The following LTBP2 variants were observed in gnomAD, a reference collection of about 807,000 sequenced individuals.
LTBP2 encodes the protein latent transforming growth factor beta binding protein 2.
In LTBP2, 103 loss-of-function variants were observed where a neutral mutation model predicts 210.6. The observed-to-expected ratio is 0.49, with a 90% CI of 0.42 to 0.58. The LOEUF (loss-of-function observed/expected upper bound fraction) is 0.58, where lower values mean the gene tolerates loss of function less well. Ranked by LOEUF, LTBP2 falls within the 20% of genes least tolerant of loss-of-function variation. LTBP2 has a pLI of 0.00. For missense variants in LTBP2, 2,313 were observed against 2,494.5 expected (o/e 0.93, Z 1.55); for synonymous variants, 1,007 against 1,015.0 (o/e 0.99, Z 0.15).
chr14:74,512,617 G>A (rs1256600994), intron 18 of LTBP2, among the ~76,000 whole-genome samples: 1 of 152,226 alleles, frequency 6.6e-6, no homozygotes, highest in Non-Finnish European at 1.5e-5. Context: ...CTGTCCCAGA[G>A]GACTGGGACC....
chr14:74,511,509 G>T, intron 18 of LTBP2, 145 bp from the exon 19 acceptor site: 1 of 1,038,706 alleles, frequency 9.6e-7, no homozygotes, highest in Non-Finnish European at 1.5e-6. Context: ...GCTGCCCTGT[G>T]TTCCCAACTC....
intron 3 of LTBP2, among the ~76,000 whole-genome samples, chr14:74,558,119 G>A (rs557381148): frequency 1.2e-4 from 19 of 152,324 alleles, no homozygotes; most frequent in African/African-American, 4.6e-4. Context: ...ACTAGGACTG[G>A]CCTGGCACAG....
chr14:74,587,737 G>C (rs986763214), intron 2 of LTBP2, among the ~76,000 whole-genome samples: 21 of 152,094 alleles, frequency 1.4e-4, no homozygotes, highest in Non-Finnish European at 2.4e-4. Context: ...CCCAGAGCAG[G>C]TTCCTGGGTT....
chr14:74,553,303 TA>T (rs1669111001), intron 4 of LTBP2, among the ~76,000 whole-genome samples: 1 of 152,214 alleles, frequency 6.6e-6, no homozygotes, highest in Admixed American at 6.5e-5. Flanking sequence ...GGTGGTATGT[TA>T]GGTTGAATCA....
intron 29 of LTBP2, 30 bp downstream of exon 29, chr14:74,504,953 T>C: frequency 7.8e-7 from 1 of 1,274,758 alleles, no homozygotes; most frequent in Non-Finnish European, 1.1e-6. Context: ...GAGCTGACCC[T>C]TCGAGGATCT....
rs763870722 is a variant in LTBP2, at chr14:74,509,770, C to T, written c.3241G>A (p.Gly1081Arg). The T allele has an allele frequency of 2.7e-5, 43 of 1,613,988 alleles. No individual in the cohort carries two copies. The highest frequency in any genetic ancestry group is 3.5e-5 in the Non-Finnish European group (41 of 1,180,030). ...GTGCCGTCTTCATTCACCCAGTACCCGTTCTCACAGGCAGAGCAGGCGAAG... is the reference window on the plus strand; with the variant it reads ...GTGCCGTCTTCATTCACCCAGTACCTGTTCTCACAGGCAGAGCAGGCGAAG... ...GSFACSACEN[G>R]YWVNEDGTAC... The change falls in exon 21 of 36, where the codon GGG becomes AGG. Residue 1081 changes from glycine (G) to arginine (R), a missense_variant. By Grantham distance (125) the Gly-to-Arg change is moderately radical (BLOSUM62 -2). Transcript: ENST00000261978.
At position 74,532,434 on chromosome 14, in the gene LTBP2, C is replaced by A. The variant is rs140341018; in HGVS notation, c.1979G>T (p.Arg660Leu). The A allele has an allele frequency of 3.3e-5, 54 of 1,613,876 alleles. No homozygotes were observed. The highest frequency in any genetic ancestry group is 4.5e-5 in the Non-Finnish European group (53 of 1,179,986). Reference protein sequence around the residue: ...PGLMLDPSRSRCVSDKAISML... With the variant: ...PGLMLDPSRSLCVSDKAISML... Reference sequence around the variant, plus strand: ...TCCCTGCCAGCACTCACACACACAGCGGCTCCGCGATGGATCCAGCATGAG... The same window carrying A: ...TCCCTGCCAGCACTCACACACACAGAGGCTCCGCGATGGATCCAGCATGAG... The change falls in exon 10 of 36, where the codon CGC becomes CTC. Residue 660 changes from arginine (R) to leucine (L), a missense_variant. Physicochemically the swap from Arg to Leu is moderately radical, Grantham distance 102 (BLOSUM62 -2). This residue lies in a region of LTBP2 where 1,867 missense variants were observed against 1,976.9 expected (regional missense o/e 0.94). Transcript: ENST00000261978.
At position 74,596,226 on chromosome 14, in the gene LTBP2, A is replaced by AAAATAAATAAATAAAT. The variant is rs529095086; in HGVS notation, c.565+7393_565+7408dup. ...GGTGACAGAGCCAGATGCTGTTTCAAAAATAAATAAATAAATAAATAAATA... is the reference window on the plus strand; with the variant it reads ...GGTGACAGAGCCAGATGCTGTTTCAAAAATAAATAAATAAATAAATAAATAAATAAATAAATAAATA... On this transcript the variant is annotated intron_variant, in intron 2 of 35. Transcript: ENST00000261978. Among the ~76,000 whole-genome samples the AAAATAAATAAATAAAT allele has an allele frequency of 4.6e-3, 562 of 122,100 alleles. 2 individuals carry two copies. The highest frequency in any genetic ancestry group is 6.1e-3 in the Non-Finnish European group (371 of 61,178). 80.1% of individuals were successfully genotyped at this position (122,100 alleles called of 152,430 possible).
intron 3 of LTBP2, among the ~76,000 whole-genome samples, chr14:74,564,189 ATATATATATT>A (rs1595278945): frequency 2.4e-3 from 41 of 17,116 alleles, no homozygotes; most frequent in Admixed American, 3.5e-3. Flanking sequence ...ATATATATTT[ATATATATATT>A]TATATATATT....
intron 3 of LTBP2, among the ~76,000 whole-genome samples, chr14:74,571,571 C>A (rs1364640419): frequency 6.6e-6 from 1 of 152,238 alleles, no homozygotes; most frequent in Non-Finnish European, 1.5e-5. Context: ...TTTCACAATT[C>A]TGCCCTCACA....
chr14:74,600,711 C>T (rs1052201859), intron 2 of LTBP2, among the ~76,000 whole-genome samples: 1 of 152,132 alleles, frequency 6.6e-6, no homozygotes. Context: ...CATCAGCCAA[C>T]GCTGCCTCCC....
chr14:74,556,163 A>G (rs2087726150), intron 3 of LTBP2, among the ~76,000 whole-genome samples: 1 of 152,218 alleles, frequency 6.6e-6, no homozygotes, highest in African/African-American at 2.4e-5. Flanking sequence ...CACACCTTCA[A>G]GATTGATTCA....
At chr14:74,578,072 G>A (rs557361587) in intron 3 of LTBP2, among the ~76,000 whole-genome samples, 7 of 152,158 alleles carry the variant, frequency 4.6e-5, no homozygotes, top group African/African-American at 1.7e-4. Context: ...GGGTGGCAGC[G>A]GTGGGAGGGG....
chr14:74,543,538 T>TTTCCTTCCTTCCGTCCTTCCTCCC lies in LTBP2; in HGVS notation c.1789+6324_1789+6325insGGGAGGAAGGACGGAAGGAAGGAA. On this transcript the variant is annotated intron_variant, in intron 8 of 35. Transcript: ENST00000261978. ...CCTGCCTGCCTGCCTTCCCTCCCTT[T>TTTCCTTCCTTCCGTCCTTCCTCCC]TTCCTCCCTCCCTCCCTTCCTTCCT... is the stretch of plus-strand genomic sequence containing the variant. Among the ~76,000 whole-genome samples the TTTCCTTCCTTCCGTCCTTCCTCCC allele has an allele frequency of 1.6e-5, 2 of 127,758 alleles. 1 individual carries two copies. Among genetic ancestry groups the TTTCCTTCCTTCCGTCCTTCCTCCC allele is most frequent in the African/African-American group, 6.6e-5 (2 of 30,290 alleles). The allele number at this position is 127,758 out of a possible 152,430, so 83.8% of individuals were successfully genotyped here.
chr14:74,563,742 G>GCT, intron 3 of LTBP2, among the ~76,000 whole-genome samples: 1 of 151,998 alleles, frequency 6.6e-6, no homozygotes. Flanking sequence ...GACTGGTTTT[G>GCT]CTCTCCAATG....
intron 14 of LTBP2, among the ~76,000 whole-genome samples, chr14:74,525,511 C>G (rs1308278381): frequency 6.6e-6 from 1 of 152,238 alleles, no homozygotes; most frequent in Non-Finnish European, 1.5e-5. Flanking sequence ...GGAGGCACAG[C>G]TGACACCTGG....
chr14:74,552,982 G>T lies in LTBP2; in HGVS notation c.1102C>A (p.His368Asn), dbSNP rs776522147. The T allele has an allele frequency of 1.2e-6, 2 of 1,614,178 alleles. No individual in the cohort carries two copies. The highest frequency in any genetic ancestry group is 2.7e-5 in the African/African-American group (2 of 75,066). The change falls in exon 5 of 36, where the codon CAC becomes AAC. Residue 368 changes from histidine (H) to asparagine (N), a missense_variant. Coordinates refer to ENST00000261978, the MANE Select transcript of LTBP2 (RefSeq NM_000428.3). Reference protein sequence around the residue: ...TICKQTCARGHCANSCERGDT... With the variant: ...TICKQTCARGNCANSCERGDT... ...CCCCTCTCACAGCTGTTGGCACAGTGTCCACGGGCACAGGTCTGCTTGCAG... is the reference window on the plus strand; with the variant it reads ...CCCCTCTCACAGCTGTTGGCACAGTTTCCACGGGCACAGGTCTGCTTGCAG...
In LTBP2 at chr14:74,502,735, A is replaced by T; in HGVS notation, c.5088T>A (p.Gly1696=). The T allele has an allele frequency of 6.2e-7, 1 of 1,614,170 alleles. No homozygotes were observed. The part of the protein sequence containing the change: ...VPEPAFPNTA[G]HSADRTPILE... Reference sequence around the variant, plus strand: ...GGATGGGTGTGCGGTCCGCTGAGTGACCGGCTGTGTTGGGGAAGGCAGGCT... The same window carrying T: ...GGATGGGTGTGCGGTCCGCTGAGTGTCCGGCTGTGTTGGGGAAGGCAGGCT... Residue 1696 remains glycine (G), a synonymous_variant, in exon 34 of 36, where the codon GGT becomes GGA. Transcript: ENST00000261978.
At position 74,500,062 on chromosome 14, in the gene LTBP2, T is replaced by G; in HGVS notation, c.*822A>C. On this transcript the variant is annotated 3_prime_UTR_variant, in exon 36 of 36. Transcript: ENST00000261978. ...AATAGAGGTCTTTGTAGATGGGTGC[T>G]GTATCCCATGGCAGCCCTTGCTGCT... The G allele has an allele frequency of 4.3e-6, 1 of 232,924 alleles. No individual in the cohort carries two copies. Among genetic ancestry groups the G allele is most frequent in the Non-Finnish European group, 8.5e-6 (1 of 117,972 alleles). The allele number at this position is 232,924 out of a possible 1,614,324, so 14.4% of individuals were successfully genotyped here.
Sources: gnomAD v4.1 joint callset for allele counts (sites outside exome capture counted in the v4.1 genomes callset) on GRCh38, gnomAD v4.1.1 for gene constraint, gnomAD v4.1.1 regional missense constraint, MANE v1.5 for transcripts, NCBI Gene and HGNC (gene_info 2026-07-23, HGNC 2026-07-21) for gene names.